The following RBFOX1 variants were observed in gnomAD, a reference collection of about 807,000 sequenced individuals.
RBFOX1 encodes the protein RNA binding protein fox-1 homolog 1.
RBFOX1 carries 8 observed loss-of-function variants against 57.7 expected under a neutral mutation model. That is an observed-to-expected ratio of 0.14 (90% confidence interval 0.08 to 0.25). RBFOX1 has a LOEUF of 0.25. Among genes scored for constraint, RBFOX1 ranks in the 10% least tolerant of loss-of-function variants. RBFOX1 has a pLI of 1.00. For synonymous variants in RBFOX1, 326 were observed against 222.4 expected (o/e 1.47, Z -4.15); for missense variants, 611 against 548.5 (o/e 1.11, Z -1.14).
At chr16:7,031,570 C>T (rs2153692321) in intron 3 of RBFOX1, among the ~76,000 whole-genome samples, 1 of 150,742 alleles carries the variant, frequency 6.6e-6, no homozygotes, top group African/African-American at 2.5e-5. Flanking sequence ...CACTGCACTC[C>T]AGCCGAGGCA....
At chr16:5,537,975 T>A (rs2044766841) in intron 2 of RBFOX1, among the ~76,000 whole-genome samples, 1 of 152,092 alleles carries the variant, frequency 6.6e-6, no homozygotes, top group South Asian at 2.1e-4. Flanking sequence ...CACTAGGAGG[T>A]GTGACTCCCA....
intron 3 of RBFOX1, among the ~76,000 whole-genome samples, chr16:6,722,180 A>G (rs958890725): frequency 6.6e-6 from 1 of 152,202 alleles, no homozygotes; most frequent in Non-Finnish European, 1.5e-5. Flanking sequence ...TGGAATTACC[A>G]GATCATGTGA....
At chr16:7,321,071 C>CTATATGTATACATATACA (rs1306024790) in intron 4 of RBFOX1, among the ~76,000 whole-genome samples, 5 of 72,846 alleles carry the variant, frequency 6.9e-5, no homozygotes, top group Admixed American at 1.9e-4. Flanking sequence ...ATCTGTCTAT[C>CTATATGTATACATATACA]TATACGTATA....
intron 3 of RBFOX1, among the ~76,000 whole-genome samples, chr16:5,865,049 C>T (rs955898130): frequency 2.0e-5 from 3 of 152,084 alleles, no homozygotes; most frequent in Admixed American, 1.3e-4. Flanking sequence ...ATAAGAGGGG[C>T]TTGATGATGT....
intron 1 of RBFOX1, among the ~76,000 whole-genome samples, chr16:6,086,827 C>G (rs1002100988): frequency 1.3e-5 from 2 of 152,158 alleles, no homozygotes; most frequent in African/African-American, 4.8e-5. Flanking sequence ...CCCTAAGCAC[C>G]ATTCAGTTGA....
At chr16:5,362,830 A>G (rs1194670497) in intron 1 of RBFOX1, among the ~76,000 whole-genome samples, 1 of 151,918 alleles carries the variant, frequency 6.6e-6, no homozygotes, top group East Asian at 1.9e-4. Flanking sequence ...TTTACTTAGC[A>G]TAATGTCTCC....
chr16:6,080,944 G>A (rs747774786), intron 1 of RBFOX1, among the ~76,000 whole-genome samples: 2 of 152,168 alleles, frequency 1.3e-5, no homozygotes, highest in Non-Finnish European at 2.9e-5. Context: ...GAAACACCCA[G>A]AACCACAAAT....
intron 3 of RBFOX1, among the ~76,000 whole-genome samples, chr16:5,629,944 A>G (rs764447452): frequency 1.3e-5 from 2 of 152,198 alleles, no homozygotes; most frequent in African/African-American, 2.4e-5. Context: ...TCAAGTGCTC[A>G]TCTCACAGGA....
intron 3 of RBFOX1, among the ~76,000 whole-genome samples, chr16:7,017,744 C>G (rs548732592): frequency 3.3e-5 from 5 of 152,070 alleles, no homozygotes; most frequent in Non-Finnish European, 5.9e-5. Context: ...CTGTGACAGG[C>G]CAACTTCCAA....
intron 1 of RBFOX1, among the ~76,000 whole-genome samples, chr16:6,197,593 G>T (rs1197046930): frequency 2.0e-5 from 3 of 151,450 alleles, no homozygotes; most frequent in Non-Finnish European, 4.4e-5. Flanking sequence ...AATAGGAACA[G>T]TAGAGGACCA....
At chr16:7,162,791 T>C (rs1351280974) in intron 4 of RBFOX1, among the ~76,000 whole-genome samples, 2 of 152,068 alleles carry the variant, frequency 1.3e-5, no homozygotes. Flanking sequence ...AAAACAGCTC[T>C]CCTCCTCCTC....
intron 5 of RBFOX1, among the ~76,000 whole-genome samples, chr16:7,577,338 G>A (rs1199492433): frequency 6.6e-6 from 1 of 152,006 alleles, no homozygotes; most frequent in Non-Finnish European, 1.5e-5. Context: ...CTGTCCTCCT[G>A]CCTTCCCTTC....
chr16:6,715,628 G>A (rs548568954), intron 3 of RBFOX1, among the ~76,000 whole-genome samples: 65 of 152,104 alleles, frequency 4.3e-4, no homozygotes, highest in African/African-American at 1.5e-3. Context: ...CTCCTTTCTG[G>A]CCTCATCTCC....
At chr16:5,372,837 C>T (rs2065893612) in intron 1 of RBFOX1, among the ~76,000 whole-genome samples, 2 of 152,218 alleles carry the variant, frequency 1.3e-5, no homozygotes, top group African/African-American at 4.8e-5. Flanking sequence ...TCTCATGATC[C>T]TTTGGAATCA....
At chr16:6,915,117 G>C (rs566200734) in intron 3 of RBFOX1, among the ~76,000 whole-genome samples, 2 of 152,304 alleles carry the variant, frequency 1.3e-5, no homozygotes, top group South Asian at 4.1e-4. Flanking sequence ...CGGTCCTCCA[G>C]CTAATCAGTG....
At chr16:7,423,903 TC>T (rs1364992046) in intron 4 of RBFOX1, among the ~76,000 whole-genome samples, 1 of 152,202 alleles carries the variant, frequency 6.6e-6, no homozygotes, top group Non-Finnish European at 1.5e-5. Flanking sequence ...TGTCCATATG[TC>T]TGAAGGAAAC....
chr16:6,699,454 A>C (rs898668979), intron 3 of RBFOX1, among the ~76,000 whole-genome samples: 5 of 152,184 alleles, frequency 3.3e-5, no homozygotes, highest in African/African-American at 1.2e-4. Context: ...TGCATTTAAA[A>C]GCCAAGCCAT....
chr16:5,426,827 C>A (rs2067575085), intron 1 of RBFOX1, among the ~76,000 whole-genome samples: 1 of 152,296 alleles, frequency 6.6e-6, no homozygotes, highest in Admixed American at 6.5e-5. Flanking sequence ...AAACAGACAT[C>A]TGGAGATCAG....
intron 3 of RBFOX1, among the ~76,000 whole-genome samples, chr16:6,900,349 C>A (rs978208397): frequency 6.6e-6 from 1 of 152,174 alleles, no homozygotes; most frequent in Non-Finnish European, 1.5e-5. Context: ...CCACAAAATC[C>A]TTTAGGGATC....
Sources: allele counts gnomAD v4.1 joint callset (sites outside exome capture counted in the v4.1 genomes callset), GRCh38; gene constraint gnomAD v4.1.1; transcripts MANE v1.5; gene names NCBI Gene and HGNC (gene_info 2026-07-23, HGNC 2026-07-21).